Variants in CAMKV observed in about 807,000 individuals in gnomAD.
The protein encoded by CAMKV is CaM kinase like vesicle associated.
In CAMKV, 5 loss-of-function variants were observed where a neutral mutation model predicts 50.2. The ratio of observed to expected loss-of-function variants is 0.10; its 90% confidence interval spans 0.05 to 0.21. CAMKV has a LOEUF of 0.21. CAMKV is among the 10% of genes least tolerant of loss of function. The pLI, the probability that CAMKV is intolerant of heterozygous loss-of-function variation, is 1.00. For missense variants in CAMKV, 361 were observed against 650.5 expected (o/e 0.55, Z 4.84); for synonymous variants, 229 against 250.1 (o/e 0.92, Z 0.80).
intron 1 of CAMKV, among the ~76,000 whole-genome samples, chr3:49,868,287 T>C (rs1210849270): frequency 6.6e-6 from 1 of 152,118 alleles, no homozygotes; most frequent in African/African-American, 2.4e-5. Context: ...CCATCTGCTA[T>C]CCTTTCCAGG....
chr3:49,860,822 C>T lies in CAMKV; in HGVS notation c.669G>A (p.Glu223=). The T allele has an allele frequency of 1.9e-6, 3 of 1,614,138 alleles. No homozygotes were observed. Among genetic ancestry groups the T allele is most frequent in the Non-Finnish European group, 2.5e-6 (3 of 1,180,014 alleles). The change falls in exon 8 of 11, where the codon GAG becomes GAA. Residue 223 remains glutamate, a synonymous_variant. Transcript: ENST00000477224. This position sits in a 1 kb window ranked among gnomAD's most constrained non-coding sequence, Gnocchi z 6.1. ...GGTTCTCATAATCATCTTCTTCCAC[C>T]TCCTCATAGAAAGGTGGATTGCCTG... ...LLSGNPPFYE[E]VEEDDYENHD...
rs1025563036 is a variant in CAMKV at position 49,862,956 on chromosome 3, C to T, written c.-14-554G>A. Reference sequence around the variant, plus strand: ...GCACATATTCGTGCATCAGGACAGTCATACAATGCTCATAGTAGCCATATA... The same window carrying T: ...GCACATATTCGTGCATCAGGACAGTTATACAATGCTCATAGTAGCCATATA... On this transcript the variant is annotated intron_variant, in intron 1 of 10. Coordinates refer to ENST00000477224, the MANE Select transcript of CAMKV (RefSeq NM_024046.5). This position sits in a 1 kb window ranked among gnomAD's most constrained non-coding sequence, Gnocchi z 5.2. Among the ~76,000 whole-genome samples, 26 of 152,218 alleles carry T rather than the reference C, an allele frequency of 1.7e-4. No homozygotes were observed. The highest frequency in any genetic ancestry group is 6.3e-4 in the African/African-American group (26 of 41,446).
chr3:49,867,900 A>G (rs1242820792), intron 1 of CAMKV, among the ~76,000 whole-genome samples: 1 of 152,218 alleles, frequency 6.6e-6, no homozygotes, highest in South Asian at 2.1e-4. Flanking sequence ...GGTGCCCAGC[A>G]GAGCCCTAAG....
Position 49,860,491 on chromosome 3 carries a change from T to C in CAMKV, c.834A>G (p.Glu278=). 6.2e-7 allele frequency: 1 copy of C among 1,613,574 alleles called. No individual in the cohort carries two copies. The highest frequency in any genetic ancestry group is 1.1e-5 in the South Asian group (1 of 90,954). The change falls in exon 9 of 11, where the codon GAA becomes GAG. Residue 278 remains glutamate (E), a synonymous_variant. Coordinates refer to ENST00000477224, the MANE Select transcript of CAMKV (RefSeq NM_024046.5). The surrounding 1 kb of genome is among the most constrained non-coding windows in gnomAD (Gnocchi z 6.1). The part of the protein sequence containing the change: ...EVEQDQRITA[E]EAISHEWISG... Reference sequence around the variant, plus strand: ...CTCACCACTCATGGGAGATGGCCTCTTCTGCAGTGATCCGCTGGTCTTGCT... The same window carrying C: ...CTCACCACTCATGGGAGATGGCCTCCTCTGCAGTGATCCGCTGGTCTTGCT...
At chr3:49,867,180 A>T (rs747903108) in intron 1 of CAMKV, among the ~76,000 whole-genome samples, 9 of 152,222 alleles carry the variant, frequency 5.9e-5, no homozygotes, top group Non-Finnish European at 1.2e-4. Flanking sequence ...CTGAGGTGTC[A>T]CCCACAGGAC....
chr3:49,869,906 C>G lies in CAMKV; in HGVS notation c.-163G>C, dbSNP rs2082095078. The G allele has an allele frequency of 6.6e-6, 1 of 152,146 alleles. No homozygotes were observed. The highest frequency in any genetic ancestry group is 2.4e-5 in the African/African-American group (1 of 41,450). The allele number at this position is 152,146 out of a possible 1,614,324, so 9.4% of individuals were successfully genotyped here. ...GCTTCGGCTAGCGAACCTCCAGCAT[C>G]GCCAGCCGCTTGCCGGCACCGGATT... On this transcript the variant is annotated 5_prime_UTR_variant, in exon 1 of 11. Transcript: ENST00000477224. This position sits in a 1 kb window ranked among gnomAD's most constrained non-coding sequence, Gnocchi z 5.2.
rs756495573 is a variant in CAMKV at position 49,861,756 on chromosome 3, G to A, written c.302+35C>T. 4.4e-6 allele frequency: 7 copies of A among 1,608,986 alleles called. No individual in the cohort carries two copies. The highest frequency in any genetic ancestry group is 1.1e-5 in the South Asian group (1 of 90,966). On this transcript the variant is annotated intron_variant, in intron 4 of 10. Transcript: ENST00000477224. The surrounding 1 kb of genome is among the most constrained non-coding windows in gnomAD (Gnocchi z 7.7). The stretch of plus-strand genomic sequence containing the variant: ...GGTGGGACAGGTGAAAGCCCTGGGC[G>A]CTGGGGAATCTTGGGTCCCCAGACC...
Position 49,864,387 on chromosome 3 carries a change from T to G in CAMKV, c.-14-1985A>C, listed in dbSNP as rs570056308. 5.1e-4 allele frequency among the ~76,000 whole-genome samples: 78 copies of G among 152,292 alleles called. 1 individual carries two copies. The highest frequency in any genetic ancestry group is 1.8e-3 in the African/African-American group (75 of 41,576). ...GGGGACCTGGGCTGTCAGGTCCAGG[T>G]GCAAGGCCCCCAAACAGAACAGATA... On this transcript the variant is annotated intron_variant, in intron 1 of 10. Coordinates refer to ENST00000477224, the MANE Select transcript of CAMKV (RefSeq NM_024046.5).
chr3:49,866,147 C>G (rs1014702191), intron 1 of CAMKV, among the ~76,000 whole-genome samples: 2 of 152,080 alleles, frequency 1.3e-5, no homozygotes, highest in East Asian at 3.9e-4. Flanking sequence ...TGGCTTGGGG[C>G]CCTGGACTTG....
At position 49,862,606 on chromosome 3, in the gene CAMKV, G is replaced by A. The variant is rs910511849; in HGVS notation, c.-14-204C>T. ...GCTACTCAGCTTGGCTGCCTGAAGTGCAACAGCCTACATATGAAAAAATGT... is the reference window on the plus strand; with the variant it reads ...GCTACTCAGCTTGGCTGCCTGAAGTACAACAGCCTACATATGAAAAAATGT... On this transcript the variant is annotated intron_variant, in intron 1 of 10. Transcript: ENST00000477224. This position sits in a 1 kb window ranked among gnomAD's most constrained non-coding sequence, Gnocchi z 5.2. 1.3e-5 allele frequency among the ~76,000 whole-genome samples: 2 copies of A among 152,180 alleles called. No homozygotes were observed. Among genetic ancestry groups the A allele is most frequent in the Admixed American group, 6.5e-5 (1 of 15,292 alleles).
In CAMKV at chr3:49,860,342, G is replaced by A; in HGVS notation, c.855-84C>T. ...TCAGCCCTTCTATGTGGCATCCAGG[G>A]ACTACCAGGCAGAGCCTCTGGGCTG... On this transcript the variant is annotated intron_variant, in intron 9 of 10. Transcript: ENST00000477224. This position sits in a 1 kb window ranked among gnomAD's most constrained non-coding sequence, Gnocchi z 6.1. 5 of 1,533,158 alleles carry A rather than the reference G, an allele frequency of 3.3e-6. No homozygotes were observed. The highest frequency in any genetic ancestry group is 1.1e-5 in the South Asian group (1 of 88,948). 95.0% of individuals were successfully genotyped at this position (1,533,158 alleles called of 1,614,324 possible).
At chr3:49,865,731 T>A (rs1369830407) in intron 1 of CAMKV, among the ~76,000 whole-genome samples, 1 of 152,200 alleles carries the variant, frequency 6.6e-6, no homozygotes. Flanking sequence ...GTGCAACACA[T>A]TGTCCAAAAC....
In CAMKV at chr3:49,869,206, G is replaced by A. The variant is rs2082087915; in HGVS notation, c.-15+552C>T. Reference sequence around the variant, plus strand: ...ACCCCCACCGTGCACGTGGGTCCATGCACTGGACCCCCAGCTGGCACCCAG... The same window carrying A: ...ACCCCCACCGTGCACGTGGGTCCATACACTGGACCCCCAGCTGGCACCCAG... On this transcript the variant is annotated intron_variant, in intron 1 of 10. Coordinates refer to ENST00000477224, the MANE Select transcript of CAMKV (RefSeq NM_024046.5). This position sits in a 1 kb window ranked among gnomAD's most constrained non-coding sequence, Gnocchi z 5.2. Among the ~76,000 whole-genome samples the A allele has an allele frequency of 6.6e-6, 1 of 152,156 alleles. No individual in the cohort carries two copies. Among genetic ancestry groups the A allele is most frequent in the Non-Finnish European group, 1.5e-5 (1 of 68,026 alleles).
At position 49,861,610 on chromosome 3, in the gene CAMKV, G is replaced by A. The variant is rs1439354746; in HGVS notation, c.303-33C>T. On this transcript the variant is annotated intron_variant, in intron 4 of 10. Transcript: ENST00000477224. The surrounding 1 kb of genome is among the most constrained non-coding windows in gnomAD (Gnocchi z 7.7). Reference sequence around the variant, plus strand: ...ACACCAGCCCCTGAGCCTGGCGTGGGCAGAATCAGGGGTAGGGCAGGAGCA... The same window carrying A: ...ACACCAGCCCCTGAGCCTGGCGTGGACAGAATCAGGGGTAGGGCAGGAGCA... 1 of 1,613,578 alleles carries A rather than the reference G, an allele frequency of 6.2e-7. No individual in the cohort carries two copies. The highest frequency in any genetic ancestry group is 8.5e-7 in the Non-Finnish European group (1 of 1,179,884).
chr3:49,859,609 G>A lies in CAMKV; in HGVS notation c.1215C>T (p.Ala405=), dbSNP rs2082003635. 6.2e-7 allele frequency: 1 copy of A among 1,614,060 alleles called. No individual in the cohort carries two copies. Among genetic ancestry groups the A allele is most frequent in the Non-Finnish European group, 8.5e-7 (1 of 1,180,020 alleles). ...TGGCTGGAGTGATGCTTCCATCGGT[G>A]GCTGGGGTGACACTGCCATCAGTGG... ...TPATDGSVTP[A]TDGSITPATD... Residue 405 remains alanine, a synonymous_variant, in exon 11 of 11, where the codon GCC becomes GCT. Coordinates refer to ENST00000477224, the MANE Select transcript of CAMKV (RefSeq NM_024046.5). The surrounding 1 kb of genome is among the most constrained non-coding windows in gnomAD (Gnocchi z 5.5).
At position 49,862,629 on chromosome 3, in the gene CAMKV, T is replaced by C. The variant is rs529593805; in HGVS notation, c.-14-227A>G. Among the ~76,000 whole-genome samples, 1 of 152,246 alleles carries C rather than the reference T, an allele frequency of 6.6e-6. No individual in the cohort carries two copies. Among genetic ancestry groups the C allele is most frequent in the East Asian group, 1.9e-4 (1 of 5,182 alleles). ...GTGCAACAGCCTACATATGAAAAAA[T>C]GTATTAAGCTGATATATAAGGGAAT... On this transcript the variant is annotated intron_variant, in intron 1 of 10. Transcript: ENST00000477224. This position sits in a 1 kb window ranked among gnomAD's most constrained non-coding sequence, Gnocchi z 5.2.
chr3:49,868,541 G>A (rs1202748755), intron 1 of CAMKV, among the ~76,000 whole-genome samples: 3 of 152,220 alleles, frequency 2.0e-5, no homozygotes, highest in Non-Finnish European at 4.4e-5. Flanking sequence ...GGGCTGGAGA[G>A]TAGGGCCATC....
At chr3:49,866,146 G>A (rs1005875259) in intron 1 of CAMKV, among the ~76,000 whole-genome samples, 2 of 152,160 alleles carry the variant, frequency 1.3e-5, no homozygotes, top group Non-Finnish European at 2.9e-5. Flanking sequence ...CTGGCTTGGG[G>A]CCCTGGACTT....
chr3:49,861,758 T>C lies in CAMKV; in HGVS notation c.302+33A>G, dbSNP rs754525117. 9.3e-6 allele frequency: 15 copies of C among 1,611,298 alleles called. No homozygotes were observed. Among genetic ancestry groups the C allele is most frequent in the African/African-American group, 2.7e-5 (2 of 74,992 alleles). ...TGGGACAGGTGAAAGCCCTGGGCGC[T>C]GGGGAATCTTGGGTCCCCAGACCCA... On this transcript the variant is annotated intron_variant, in intron 4 of 10. Transcript: ENST00000477224. This position sits in a 1 kb window ranked among gnomAD's most constrained non-coding sequence, Gnocchi z 7.7.
Sources: gnomAD v4.1 joint callset for allele counts (sites outside exome capture counted in the v4.1 genomes callset) on GRCh38, gnomAD v4.1.1 for gene constraint, Gnocchi (gnomAD v3.1) non-coding constraint, MANE v1.5 for transcripts, NCBI Gene and HGNC (gene_info 2026-07-23, HGNC 2026-07-21) for gene names.